The following ACAD11 variants were observed in gnomAD, a reference collection of about 807,000 sequenced individuals.
The protein encoded by ACAD11 is acyl-Coenzyme A dehydrogenase family, member 11.
In ACAD11, 83 loss-of-function variants were observed where a neutral mutation model predicts 102.2. The observed-to-expected ratio is 0.81, with a 90% CI of 0.68 to 0.97. The LOEUF is 0.97. Ranked by LOEUF, ACAD11 falls within the 50% of genes least tolerant of loss-of-function variation. ACAD11 has a pLI of 0.00. For missense variants in ACAD11, 901 were observed against 951.7 expected (o/e 0.95, Z 0.70); for synonymous variants, 324 against 319.8 (o/e 1.01, Z -0.14).
In ACAD11 at chr3:132,659,637, C is replaced by A. The variant is rs1311039488; in HGVS notation, c.115G>T (p.Glu39Ter). The change falls in exon 1 of 20, where the codon GAA (glutamate) becomes TAA (stop). Residue 39 changes from glutamate (E) to a stop codon, truncating the protein, a stop_gained. Coordinates refer to ENST00000264990, the MANE Select transcript of ACAD11 (RefSeq NM_032169.5). LOFTEE classifies it high-confidence loss of function. ...LNQHLSGFGA[E>*]REATLTIAQY... ...GCAATGGTCAGCGTAGCCTCACGTT[C>A]GGCCCCAAAGCCAGACAAGTGCTGG... 1 of 1,610,568 alleles carries A rather than the reference C, an allele frequency of 6.2e-7. No individual in the cohort carries two copies. Among genetic ancestry groups the A allele is most frequent in the East Asian group, 2.2e-5 (1 of 44,520 alleles).
intron 9 of ACAD11, among the ~76,000 whole-genome samples, chr3:132,623,993 C>T (rs1349496184): frequency 6.9e-6 from 1 of 145,494 alleles, no homozygotes; most frequent in Admixed American, 6.9e-5. Context: ...ATCCCCACCA[C>T]CCCCCACCAC....
rs900153279 is a variant in ACAD11 at position 132,558,302 on chromosome 3, C to T, written c.*669G>A. On this transcript the variant is annotated 3_prime_UTR_variant, in exon 20 of 20. Transcript: ENST00000264990. ...ATTTCAAGGTGCTTCTACGTGGCTT[C>T]AGCAATTCTCACAACAAACCCTCAG... 9.2e-5 allele frequency: 14 copies of T among 152,252 alleles called. 1 individual carries two copies. The highest frequency in any genetic ancestry group is 3.9e-4 in the Admixed American group (6 of 15,278). 9.4% of individuals were successfully genotyped at this position (152,252 alleles called of 1,614,324 possible).
At chr3:132,579,363 A>G in intron 14 of ACAD11, 129 bp downstream of exon 14, 1 of 763,978 alleles carries the variant, frequency 1.3e-6, no homozygotes, top group Non-Finnish European at 2.1e-6. Flanking sequence ...ATACAAATAT[A>G]TGACATTTAC....
chr3:132,614,258 T>C (rs1488762487), intron 11 of ACAD11, among the ~76,000 whole-genome samples: 4 of 152,148 alleles, frequency 2.6e-5, no homozygotes, highest in Non-Finnish European at 5.9e-5. Context: ...CCAAAGTAAT[T>C]TATAGATTCA....
At chr3:132,569,947 C>T (rs1032473609) in intron 17 of ACAD11, among the ~76,000 whole-genome samples, 2 of 152,126 alleles carry the variant, frequency 1.3e-5, no homozygotes, top group Non-Finnish European at 2.9e-5. Flanking sequence ...CAAGATGTTA[C>T]CATTGGGGAA....
At chr3:132,633,502 C>T (rs1940137583) in intron 5 of ACAD11, among the ~76,000 whole-genome samples, 2 of 152,002 alleles carry the variant, frequency 1.3e-5, no homozygotes, top group South Asian at 2.1e-4. Flanking sequence ...ATTTTTGCAT[C>T]GATGTTCATT....
chr3:132,637,824 C>G lies in ACAD11; in HGVS notation c.702+1668G>C, dbSNP rs561002503. Among the ~76,000 whole-genome samples, 7 of 152,240 alleles carry G rather than the reference C, an allele frequency of 4.6e-5. No homozygotes were observed. In the South Asian group the frequency reaches 1.4e-3, roughly 32 times the overall value. ...CTTTACTGGCTTACTCCACACATTC[C>G]TGGAAGGTTTGTCATTTAAAATTGT... On this transcript the variant is annotated intron_variant, in intron 5 of 19. Coordinates refer to ENST00000264990, the MANE Select transcript of ACAD11 (RefSeq NM_032169.5).
chr3:132,566,296 C>CAAAA (rs371477145), intron 17 of ACAD11, among the ~76,000 whole-genome samples: 70 of 61,856 alleles, frequency 1.1e-3, no homozygotes, highest in Non-Finnish European at 1.3e-3. Context: ...AAAACAAACT[C>CAAAA]AAAAAAACAA....
intron 13 of ACAD11, among the ~76,000 whole-genome samples, chr3:132,587,167 G>A (rs1408534411): frequency 6.6e-6 from 1 of 152,096 alleles, no homozygotes. Flanking sequence ...CTTAATTCAG[G>A]TTAAACACAT....
intron 13 of ACAD11, among the ~76,000 whole-genome samples, chr3:132,595,132 G>A (rs901716493): frequency 6.6e-6 from 1 of 152,182 alleles, no homozygotes; most frequent in African/African-American, 2.4e-5. Context: ...ATTTTAAGTA[G>A]AGTAGTGAAG....
At chr3:132,655,642 A>G (rs1200987215) in intron 1 of ACAD11, among the ~76,000 whole-genome samples, 1 of 152,142 alleles carries the variant, frequency 6.6e-6, no homozygotes, top group African/African-American at 2.4e-5. Flanking sequence ...CCACACCCAA[A>G]CATTTCCTAT....
In ACAD11 at chr3:132,579,504, G is replaced by A. The variant is rs1937568698; in HGVS notation, c.1676C>T (p.Thr559Ile). Reference sequence around the variant, plus strand: ...ATTGTTTAATTACCTGGAGAGAGAAGTATTTTGAGTTCTTCCCAAAACAAT... The same window carrying A: ...ATTGTTTAATTACCTGGAGAGAGAAATATTTTGAGTTCTTCCCAAAACAAT... Reference protein sequence around the residue: ...IAIVLGRTQNTSLSRHKQHSM... With the variant: ...IAIVLGRTQNISLSRHKQHSM... The change falls in exon 14 of 20, where the codon ACT (threonine) becomes ATT (isoleucine). Residue 559 changes from threonine (T) to isoleucine (I), a missense_variant. By Grantham distance (89) the Thr-to-Ile change is moderately conservative. Coordinates refer to ENST00000264990, the MANE Select transcript of ACAD11 (RefSeq NM_032169.5). The A allele has an allele frequency of 2.5e-6, 4 of 1,612,732 alleles. No homozygotes were observed. The highest frequency in any genetic ancestry group is 2.5e-6 in the Non-Finnish European group (3 of 1,179,100).
At chr3:132,620,115 T>C (rs1939555104) in intron 9 of ACAD11, among the ~76,000 whole-genome samples, 1 of 152,296 alleles carries the variant, frequency 6.6e-6, no homozygotes, top group South Asian at 2.1e-4. Flanking sequence ...CCACCAAAGC[T>C]AGGCTGCTTG....
intron 8 of ACAD11, 136 bp from the exon 9 acceptor site, chr3:132,626,953 T>TA: frequency 1.2e-6 from 1 of 802,914 alleles, no homozygotes; most frequent in Non-Finnish European, 1.9e-6. Context: ...TTTTATATTT[T>TA]AAAAAAGTCT....
intron 1 of ACAD11, 126 bp from the exon 2 acceptor site, chr3:132,645,022 G>T: frequency 1.7e-6 from 1 of 575,976 alleles, no homozygotes; most frequent in African/African-American, 1.9e-5. Context: ...AAATCAAGAG[G>T]GGTGCTATCA....
At chr3:132,643,624 T>C (rs536737982) in intron 2 of ACAD11, among the ~76,000 whole-genome samples, 83 of 151,650 alleles carry the variant, frequency 5.5e-4, no homozygotes, top group African/African-American at 1.9e-3. Flanking sequence ...GCTGTGGCAA[T>C]AACTGGAAGA....
chr3:132,619,668 A>G (rs1205889763), intron 9 of ACAD11, 123 bp from the exon 10 acceptor site: 1 of 525,160 alleles, frequency 1.9e-6, no homozygotes, highest in African/African-American at 2.0e-5. Context: ...CTATTATTAA[A>G]CCAGACACAG....
intron 17 of ACAD11, among the ~76,000 whole-genome samples, chr3:132,565,624 T>C (rs1937187639): frequency 6.6e-6 from 1 of 152,202 alleles, no homozygotes; most frequent in Non-Finnish European, 1.5e-5. Context: ...GTGATATAGT[T>C]TGGATGCTTG....
intron 8 of ACAD11, among the ~76,000 whole-genome samples, chr3:132,627,422 T>C (rs1387603627): frequency 6.6e-6 from 1 of 152,250 alleles, no homozygotes; most frequent in Non-Finnish European, 1.5e-5. Flanking sequence ...GTTTTGAATC[T>C]TTATTGAAGT....
Sources: allele counts gnomAD v4.1 joint callset (sites outside exome capture counted in the v4.1 genomes callset), GRCh38; gene constraint gnomAD v4.1.1; transcripts MANE v1.5; gene names NCBI Gene and HGNC (gene_info 2026-07-23, HGNC 2026-07-21).